CNTN1: variants seen among roughly 807,000 people sequenced by gnomAD.
The protein encoded by CNTN1 is contactin 1.
A neutral mutation model predicts 126.4 loss-of-function variants in CNTN1; 38 were observed. That is an observed-to-expected ratio of 0.30 (90% CI 0.23 to 0.39). The LOEUF is 0.39. CNTN1 is among the 10% of genes least tolerant of loss of function. The pLI is 1.00. For missense variants in CNTN1, 1,009 were observed against 1,248.4 expected (o/e 0.81, Z 2.89); for synonymous variants, 413 against 422.6 (o/e 0.98, Z 0.28).
At chr12:41,043,941 T>C (rs1383868829) in intron 23 of CNTN1, among the ~76,000 whole-genome samples, 2 of 132,872 alleles carry the variant, frequency 1.5e-5, no homozygotes, top group Admixed American at 8.7e-5. Context: ...TAGGTGGGAA[T>C]TGAACAATGA....
chr12:41,060,876 T>TA (rs1185238943), intron 23 of CNTN1, among the ~76,000 whole-genome samples: 1 of 152,166 alleles, frequency 6.6e-6, no homozygotes, highest in African/African-American at 2.4e-5. Context: ...AAATACTCAC[T>TA]AAAAAATCAA....
intron 3 of CNTN1, among the ~76,000 whole-genome samples, chr12:40,911,481 T>C (rs1945034795): frequency 6.6e-6 from 1 of 152,204 alleles, no homozygotes. Flanking sequence ...ACTTATTCAC[T>C]AAGTATTTTT....
intron 1 of CNTN1, among the ~76,000 whole-genome samples, chr12:40,733,990 CCTT>C (rs1942559810): frequency 6.6e-6 from 1 of 152,064 alleles, no homozygotes; most frequent in Admixed American, 6.6e-5. Context: ...CTGCAACTCT[CCTT>C]CTGACATTTC....
chr12:40,782,314 G>T (rs1939834992), intron 1 of CNTN1, among the ~76,000 whole-genome samples: 1 of 151,738 alleles, frequency 6.6e-6, no homozygotes, highest in East Asian at 1.9e-4. Context: ...TAAAAAAAAG[G>T]TCAAACCCTT....
Position 40,951,714 on chromosome 12 carries a change from T to TAAAAA in CNTN1, c.1684-7400_1684-7399insAAAAA, listed in dbSNP as rs1294780787. ...AAAGAGTGAGACTTTGTCTCAAAAT[T>TAAAAA]TAAAAAAAAAAAAAAAAAAAAAAAA... On this transcript the variant is annotated intron_variant, in intron 14 of 23. Transcript: ENST00000551295. Among the ~76,000 whole-genome samples the TAAAAA allele has an allele frequency of 2.0e-3, 157 of 79,602 alleles. 9 individuals carry two copies. Among genetic ancestry groups the TAAAAA allele is most frequent in the African/African-American group, 5.6e-3 (96 of 17,034 alleles). 52.2% of individuals were successfully genotyped at this position (79,602 alleles called of 152,430 possible). A position where few individuals can be genotyped will look rare whatever the true frequency, so the allele number is the denominator to read the frequency against.
At chr12:40,852,729 T>G (rs920770661) in intron 1 of CNTN1, among the ~76,000 whole-genome samples, 1 of 152,124 alleles carries the variant, frequency 6.6e-6, no homozygotes, top group Non-Finnish European at 1.5e-5. Context: ...GAATTCCCTC[T>G]TCTCCTACCT....
At chr12:40,796,576 T>A (rs1188045654) in intron 1 of CNTN1, among the ~76,000 whole-genome samples, 1 of 152,076 alleles carries the variant, frequency 6.6e-6, no homozygotes, top group Admixed American at 6.6e-5. Context: ...GCCCTGATGC[T>A]GAGGTGAGCT....
At chr12:40,785,747 T>C (rs1939993006) in intron 1 of CNTN1, among the ~76,000 whole-genome samples, 1 of 152,118 alleles carries the variant, frequency 6.6e-6, no homozygotes, top group African/African-American at 2.4e-5. Flanking sequence ...TTCACTTCTT[T>C]TGTGGATCTT....
intron 1 of CNTN1, among the ~76,000 whole-genome samples, chr12:40,717,805 G>T (rs920119135): frequency 1.3e-5 from 2 of 152,130 alleles, no homozygotes; most frequent in African/African-American, 4.8e-5. Flanking sequence ...GCAAAATAGG[G>T]CCTTGTTGAA....
chr12:41,052,898 A>G (rs536076851), intron 23 of CNTN1, among the ~76,000 whole-genome samples: 1 of 152,136 alleles, frequency 6.6e-6, no homozygotes, highest in East Asian at 1.9e-4. Flanking sequence ...AAAGTTATAA[A>G]GAATGCATCT....
chr12:40,872,917 C>G (rs942527232), intron 1 of CNTN1, among the ~76,000 whole-genome samples: 1 of 152,122 alleles, frequency 6.6e-6, no homozygotes, highest in African/African-American at 2.4e-5. Flanking sequence ...CCTTATGAAT[C>G]TGGTACTATT....
At chr12:40,794,918 A>G (rs1047681796) in intron 1 of CNTN1, among the ~76,000 whole-genome samples, 2 of 152,128 alleles carry the variant, frequency 1.3e-5, no homozygotes, top group Admixed American at 1.3e-4. Context: ...AGTTGTGATT[A>G]TTAATTTTAT....
At chr12:40,728,326 G>C (rs1942409709) in intron 1 of CNTN1, among the ~76,000 whole-genome samples, 1 of 152,142 alleles carries the variant, frequency 6.6e-6, no homozygotes, top group African/African-American at 2.4e-5. Context: ...AGTATCCTAA[G>C]CGTGTGGTTT....
At chr12:41,013,830 A>C (rs1026536751) in intron 17 of CNTN1, among the ~76,000 whole-genome samples, 2 of 152,222 alleles carry the variant, frequency 1.3e-5, no homozygotes, top group Non-Finnish European at 2.9e-5. Flanking sequence ...AACATTATCC[A>C]ATACAAATGC....
At chr12:40,706,942 T>C (rs1424986924) in intron 1 of CNTN1, among the ~76,000 whole-genome samples, 1 of 152,186 alleles carries the variant, frequency 6.6e-6, no homozygotes, top group Non-Finnish European at 1.5e-5. Context: ...CTCTGTTGCT[T>C]CTAAGAGCAC....
At chr12:40,998,261 GT>G (rs1352286620) in intron 17 of CNTN1, among the ~76,000 whole-genome samples, 3 of 152,054 alleles carry the variant, frequency 2.0e-5, no homozygotes, top group African/African-American at 7.2e-5. Flanking sequence ...TCTGTAACTG[GT>G]TTGGATTCTT....
chr12:40,758,454 C>T lies in CNTN1; in HGVS notation c.-77+65862C>T, dbSNP rs150498183. 8.9e-4 allele frequency among the ~76,000 whole-genome samples: 136 copies of T among 152,092 alleles called. 1 individual carries two copies. The highest frequency in any genetic ancestry group is 5.7e-4 in the Non-Finnish European group (39 of 67,994). ...GTAAAAATTACTGAGACAATAATTG[C>T]AAAGGTTATTTAATTTCCTGTTACA... On this transcript the variant is annotated intron_variant, in intron 1 of 23. Transcript: ENST00000551295.
chr12:41,043,378 C>T (rs1225098436), intron 23 of CNTN1, among the ~76,000 whole-genome samples: 1 of 152,076 alleles, frequency 6.6e-6, no homozygotes, highest in Non-Finnish European at 1.5e-5. Context: ...GACATTTATG[C>T]AGCCAAAAAA....
chr12:40,762,962 G>A (rs1206060350), intron 1 of CNTN1: 1 of 152,168 alleles, frequency 6.6e-6, no homozygotes, highest in Non-Finnish European at 1.5e-5. Flanking sequence ...TTGGGTCATG[G>A]GGCAGGAGCC....
Sources: gnomAD v4.1 joint callset for allele counts (sites outside exome capture counted in the v4.1 genomes callset) on GRCh38, gnomAD v4.1.1 for gene constraint, MANE v1.5 for transcripts, NCBI Gene and HGNC (gene_info 2026-07-23, HGNC 2026-07-21) for gene names.